Variants in PHF24 observed in about 807,000 individuals in gnomAD.
The protein encoded by PHF24 is Galpha inhibitory interacting protein.
A neutral mutation model predicts 42.6 loss-of-function variants in PHF24; 25 were observed. The observed-to-expected ratio is 0.59, with a 90% CI of 0.43 to 0.82. The LOEUF (loss-of-function observed/expected upper bound fraction) is 0.82. Among genes scored for constraint, PHF24 ranks in the 40% least tolerant of loss-of-function variants. The probability of loss-of-function intolerance (pLI) is 0.00; values close to 1 mark genes in which losing one functional copy is unlikely to be tolerated. For synonymous variants in PHF24, 185 were observed against 204.8 expected, an observed-to-expected ratio of 0.90 and a Z score of 0.83; for missense variants, 470 against 538.1, an observed-to-expected ratio of 0.87 and a Z score of 1.25.
At chr9:34,797,685 G>C in the PHF24 span, among the ~76,000 whole-genome samples, 1 of 151,494 alleles carries the variant, frequency 6.6e-6, no homozygotes, top group Non-Finnish European at 1.5e-5. Context: ...TGCTCCTCTT[G>C]ATGTCCAGCA....
At chr9:34,674,865 T>C in the PHF24 span, among the ~76,000 whole-genome samples, 5 of 152,216 alleles carry the variant, frequency 3.3e-5, no homozygotes, top group East Asian at 9.6e-4. Context: ...TTTTTGTTGT[T>C]GTTGTTATTT....
chr9:34,802,327 C>A, the PHF24 span, among the ~76,000 whole-genome samples: 1 of 152,186 alleles, frequency 6.6e-6, no homozygotes, highest in Admixed American at 6.5e-5. Flanking sequence ...AGAGTCTCAT[C>A]CTTCTGGCCA....
chr9:34,712,003 A>G, the PHF24 span, among the ~76,000 whole-genome samples: 1 of 151,958 alleles, frequency 6.6e-6, no homozygotes, highest in Non-Finnish European at 1.5e-5. Context: ...GGGCAGGTCT[A>G]CTATTAATGA....
At chr9:34,789,274 C>G in the PHF24 span, among the ~76,000 whole-genome samples, 1 of 152,130 alleles carries the variant, frequency 6.6e-6, no homozygotes, top group Non-Finnish European at 1.5e-5. Context: ...GTCAGCAGCC[C>G]CCTTTGCCTC....
chr9:34,802,679 A>C, the PHF24 span, among the ~76,000 whole-genome samples: 1 of 152,240 alleles, frequency 6.6e-6, no homozygotes, highest in African/African-American at 2.4e-5. Context: ...AGACAATGCC[A>C]GGTTACAATC....
At chr9:34,846,993 C>T in the PHF24 span, among the ~76,000 whole-genome samples, 11 of 152,154 alleles carry the variant, frequency 7.2e-5, no homozygotes, top group South Asian at 1.7e-3. Context: ...TGCTGTTTTG[C>T]CTACTGTAGC....
At chr9:34,684,578 G>T in the PHF24 span, among the ~76,000 whole-genome samples, 1 of 152,158 alleles carries the variant, frequency 6.6e-6, no homozygotes, top group Non-Finnish European at 1.5e-5. Flanking sequence ...CAGCAATGAG[G>T]ACATAATAGG....
the PHF24 span, among the ~76,000 whole-genome samples, chr9:34,887,040 T>C: frequency 6.6e-6 from 1 of 152,148 alleles, no homozygotes; most frequent in African/African-American, 2.4e-5. Flanking sequence ...CCTACTCCAA[T>C]GTCAGTATTT....
chr9:34,689,654 G>GCTCACA, the PHF24 span: 9 of 747,068 alleles, frequency 1.2e-5, no homozygotes, highest in African/African-American at 3.5e-5. The surrounding 1 kb of genome is among the most constrained non-coding windows in gnomAD (Gnocchi z 4.1). Context: ...TCACCCTCTC[G>GCTCACA]CTCACACTCA....
the PHF24 span, among the ~76,000 whole-genome samples, chr9:34,952,258 T>C: frequency 6.6e-6 from 1 of 152,192 alleles, no homozygotes; most frequent in African/African-American, 2.4e-5. Flanking sequence ...AAACCAAGTA[T>C]ACGTCTATAT....
chr9:34,731,852 GT>G, the PHF24 span, among the ~76,000 whole-genome samples: 3 of 150,416 alleles, frequency 2.0e-5, no homozygotes, highest in African/African-American at 7.3e-5. Flanking sequence ...GTATTTTTAG[GT>G]TTTTTTTTCT....
the PHF24 span, chr9:34,832,306 G>A: frequency 1.6e-6 from 1 of 609,412 alleles, no homozygotes; most frequent in Non-Finnish European, 2.9e-6. Flanking sequence ...TAGGGTGGGT[G>A]CCCTGGTTGG....
the PHF24 span, among the ~76,000 whole-genome samples, chr9:34,875,984 T>TCTCTCTCTCTCTCTCA: frequency 1.5e-5 from 2 of 133,194 alleles, no homozygotes; most frequent in South Asian, 5.1e-4. Context: ...TCTCTCTCTC[T>TCTCTCTCTCTCTCTCA]CTCACTCCTT....
At chr9:34,690,951 G>C in the PHF24 span, 1 of 689,266 alleles carries the variant, frequency 1.5e-6, no homozygotes, top group South Asian at 2.1e-5. Context: ...GACCTGCCAG[G>C]CTCACCGAAA....
At chr9:34,681,716 CAGG>C in the PHF24 span, among the ~76,000 whole-genome samples, 11 of 152,418 alleles carry the variant, frequency 7.2e-5, no homozygotes, top group East Asian at 1.7e-3. Context: ...GAGGCTGAGG[CAGG>C]AGAAGTGCTT....
the PHF24 span, among the ~76,000 whole-genome samples, chr9:34,942,871 G>A: frequency 1.3e-5 from 2 of 152,044 alleles, no homozygotes; most frequent in African/African-American, 4.8e-5. Flanking sequence ...CAGGGGGGAG[G>A]CATAGCATTA....
At chr9:34,751,638 A>G in the PHF24 span, among the ~76,000 whole-genome samples, 1 of 152,220 alleles carries the variant, frequency 6.6e-6, no homozygotes. Context: ...CATTAAACAA[A>G]TCATCCAGAC....
At chr9:34,966,588 C>CG (rs1166723453) in intron 1 of PHF24, among the ~76,000 whole-genome samples, 4 of 151,840 alleles carry the variant, frequency 2.6e-5, no homozygotes, top group South Asian at 2.1e-4. Flanking sequence ...AGACCCCCCC[C>CG]CTCGCCCCAT....
the PHF24 span, among the ~76,000 whole-genome samples, chr9:34,946,498 C>T: frequency 6.9e-4 from 105 of 152,252 alleles, no homozygotes; most frequent in South Asian, 0.017. Flanking sequence ...TGCTGTTTTA[C>T]AGGTTTATAG....
Sources: gnomAD v4.1 joint callset for allele counts (sites outside exome capture counted in the v4.1 genomes callset) on GRCh38, gnomAD v4.1.1 for gene constraint, Gnocchi (gnomAD v3.1) non-coding constraint, MANE v1.5 for transcripts, NCBI Gene and HGNC (gene_info 2026-07-23, HGNC 2026-07-21) for gene names.